Variants in TNC observed in about 807,000 individuals in gnomAD.
TNC encodes tenascin C, also known as tenascin.
A neutral mutation model predicts 202.4 loss-of-function variants in TNC; 109 were observed. The observed-to-expected ratio is 0.54, with a 90% confidence interval of 0.46 to 0.63. The LOEUF is 0.63. Among genes scored for constraint, TNC ranks in the 30% least tolerant of loss-of-function variants. TNC has a pLI of 0.00. For missense variants in TNC, 2,756 were observed against 2,833.3 expected (o/e 0.97, Z 0.62); for synonymous variants, 1,007 against 1,089.7 (o/e 0.92, Z 1.50).
chr9:115,039,061 C>A (rs1408046483), intron 19 of TNC, among the ~76,000 whole-genome samples: 1 of 152,096 alleles, frequency 6.6e-6, no homozygotes, highest in Non-Finnish European at 1.5e-5. Flanking sequence ...AACACCTGAC[C>A]TCAGGTGATC....
chr9:115,065,257 G>A (rs1036165214), intron 10 of TNC, among the ~76,000 whole-genome samples: 3 of 152,064 alleles, frequency 2.0e-5, no homozygotes, highest in South Asian at 2.1e-4. Flanking sequence ...TTAGCCAGGC[G>A]TGTTGGTGGG....
chr9:115,081,693 G>C, intron 6 of TNC, 79 bp downstream of exon 6: 1 of 1,500,694 alleles, frequency 6.7e-7, no homozygotes, highest in African/African-American at 1.4e-5. Flanking sequence ...TGCTATATGA[G>C]AAGGCACTTT....
In TNC at chr9:115,046,582, A is replaced by C. The variant is rs1831211845; in HGVS notation, c.4953T>G (p.Val1651=). The change falls in exon 17 of 28, where the codon GTT becomes GTG. Residue 1651 remains valine, a synonymous_variant. Transcript: ENST00000350763. ...TADEGVFDNF[V]LKIRDTKKQS... Reference sequence around the variant, plus strand: ...GCTTTTTGGTATCTCTGATTTTGAGAACAAAATTGTCGAAGACCCCTTCAT... The same window carrying C: ...GCTTTTTGGTATCTCTGATTTTGAGCACAAAATTGTCGAAGACCCCTTCAT... 1 of 1,613,940 alleles carries C rather than the reference A, an allele frequency of 6.2e-7. No individual in the cohort carries two copies. The highest frequency in any genetic ancestry group is 8.5e-7 in the Non-Finnish European group (1 of 1,179,998).
chr9:115,108,113 T>C (rs1836752654), intron 1 of TNC, among the ~76,000 whole-genome samples: 1 of 152,178 alleles, frequency 6.6e-6, no homozygotes, highest in South Asian at 2.1e-4. Context: ...ATCCTGCTTG[T>C]CTCTACCTCT....
At chr9:115,096,698 A>G (rs1204345822) in intron 1 of TNC, among the ~76,000 whole-genome samples, 1 of 152,224 alleles carries the variant, frequency 6.6e-6, no homozygotes, top group Non-Finnish European at 1.5e-5. Context: ...TGTGCATTGT[A>G]GTTTCCATAC....
chr9:115,082,884 A>G (rs901022216), intron 4 of TNC, 77 bp from the exon 5 acceptor site: 4 of 963,866 alleles, frequency 4.1e-6, no homozygotes, highest in Non-Finnish European at 6.7e-6. Flanking sequence ...ATTCCACTAA[A>G]CCAGACTGGA....
chr9:115,025,014 G>A (rs1434732728), intron 26 of TNC, among the ~76,000 whole-genome samples: 4 of 152,128 alleles, frequency 2.6e-5, no homozygotes, highest in Admixed American at 6.5e-5. Context: ...GCATGAGGAC[G>A]GCACGTAGAT....
At chr9:115,111,925 G>C (rs1329799611) in intron 1 of TNC, among the ~76,000 whole-genome samples, 1 of 152,056 alleles carries the variant, frequency 6.6e-6, no homozygotes, top group Non-Finnish European at 1.5e-5. Context: ...CATCAACCCT[G>C]TCCAACACAG....
intron 17 of TNC, among the ~76,000 whole-genome samples, chr9:115,043,736 A>C (rs552287266): frequency 1.3e-5 from 2 of 150,918 alleles, no homozygotes; most frequent in South Asian, 4.2e-4. Flanking sequence ...TAACTGGGAA[A>C]AAACAAACAA....
At chr9:115,065,239 T>C (rs919894310) in intron 10 of TNC, among the ~76,000 whole-genome samples, 8 of 151,810 alleles carry the variant, frequency 5.3e-5, no homozygotes, top group African/African-American at 1.9e-4. Flanking sequence ...CTACTAAAAA[T>C]ACAAAAATTA....
In TNC at chr9:115,052,873, T is replaced by C. The variant is rs1831808617; in HGVS notation, c.4579+4280A>G. ...GCTTTGCATCTCCTGAGACTGTGAATTGCTGGGACTCATGCAGTGAGTGAG... is the reference window on the plus strand; with the variant it reads ...GCTTTGCATCTCCTGAGACTGTGAACTGCTGGGACTCATGCAGTGAGTGAG... On this transcript the variant is annotated intron_variant, in intron 15 of 27. Coordinates refer to ENST00000350763, the MANE Select transcript of TNC (RefSeq NM_002160.4). The C allele has an allele frequency of 1.0e-5, 7 of 702,646 alleles. No individual in the cohort carries two copies. The East Asian group carries it at 1.1e-4, about 11-fold the overall frequency. The allele number at this position is 702,646 out of a possible 1,614,324, so 43.5% of individuals were successfully genotyped here.
chr9:115,070,795 T>C (rs1176923081), intron 10 of TNC, among the ~76,000 whole-genome samples: 3 of 152,364 alleles, frequency 2.0e-5, no homozygotes, highest in South Asian at 2.1e-4. Context: ...TCAGGACTTA[T>C]AGCCACATGG....
At position 115,086,502 on chromosome 9, in the gene TNC, T is replaced by C. The variant is rs780684501; in HGVS notation, c.1229A>G (p.Asn410Ser). The change falls in exon 3 of 28, where the codon AAT (asparagine) becomes AGT (serine). Residue 410 changes from asparagine (N) to serine (S), a missense_variant. By Grantham distance (46) the Asn-to-Ser change is conservative. This residue lies in a region of TNC where 2,559 missense variants were observed against 2,546.0 expected (regional missense o/e 1.01). Transcript: ENST00000350763. ...ACAGCGGCCATGGCCACTGCAGCCA[T>C]TGGGACACTTGAGCTCCCCACAGTC... ...GADCGELKCP[N>S]GCSGHGRCVN... The C allele has an allele frequency of 1.2e-5, 19 of 1,613,796 alleles. No homozygotes were observed. The highest frequency in any genetic ancestry group is 7.7e-5 in the South Asian group (7 of 91,076).
intron 1 of TNC, 101 bp downstream of exon 1, chr9:115,117,879 CAT>C (rs1284596669): frequency 1.3e-5 from 2 of 152,080 alleles, no homozygotes; most frequent in African/African-American, 4.8e-5. Context: ...AAAAAAACCC[CAT>C]ATGTTTTGTA....
chr9:115,075,651 G>A lies in TNC; in HGVS notation c.2950+381C>T, dbSNP rs537612240. Among the ~76,000 whole-genome samples, 4 of 152,172 alleles carry A rather than the reference G, an allele frequency of 2.6e-5. No homozygotes were observed. In the South Asian group the frequency reaches 8.3e-4, roughly 32 times the overall value. On this transcript the variant is annotated intron_variant, in intron 9 of 27. Coordinates refer to ENST00000350763, the MANE Select transcript of TNC (RefSeq NM_002160.4). ...AATACAAAAATTAGCTGGGCGTGGT[G>A]GTATGCACCTGTAGTCCCAGCTACT...
intron 25 of TNC, among the ~76,000 whole-genome samples, chr9:115,027,958 T>C (rs1415157671): frequency 2.0e-5 from 3 of 152,130 alleles, no homozygotes; most frequent in Non-Finnish European, 4.4e-5. Flanking sequence ...ACCCCTTAAC[T>C]GAGGGATTTA....
At chr9:115,111,407 T>C (rs1417464431) in intron 1 of TNC, among the ~76,000 whole-genome samples, 3 of 115,210 alleles carry the variant, frequency 2.6e-5, no homozygotes, top group East Asian at 2.3e-4. Flanking sequence ...CTCTTTTTTT[T>C]TTTTTTTTTT....
Position 115,076,063 on chromosome 9 carries a change from C to T in TNC, c.2919G>A (p.Glu973=), listed in dbSNP as rs1310694149. 6.2e-7 allele frequency: 1 copy of T among 1,614,150 alleles called. No individual in the cohort carries two copies. Among genetic ancestry groups the T allele is most frequent in the East Asian group, 2.2e-5 (1 of 44,866 alleles). ...CTGCGTTGATGGTCGCTGGATTGCT[C>T]TCCTTGTCTTCCTTCACAGCAGAAA... The part of the protein sequence containing the change: ...IGVSAVKEDK[E]SNPATINAAT... The change falls in exon 9 of 28, where the codon GAG becomes GAA. Residue 973 remains glutamate, a synonymous_variant. Coordinates refer to ENST00000350763, the MANE Select transcript of TNC (RefSeq NM_002160.4).
chr9:115,021,030 G>C lies in TNC; in HGVS notation c.*127C>G, dbSNP rs986646620. The C allele has an allele frequency of 5.7e-6, 4 of 700,110 alleles. No homozygotes were observed. The highest frequency in any genetic ancestry group is 9.5e-6 in the Non-Finnish European group (4 of 419,856). 43.4% of individuals were successfully genotyped at this position (700,110 alleles called of 1,614,324 possible). On this transcript the variant is annotated 3_prime_UTR_variant, in exon 28 of 28. Transcript: ENST00000350763. ...GTTGCCGTTGGCCCCAGGGATCCAT[G>C]GTCAGCTTTGACTCTCACCAAATGC...
Sources: allele counts gnomAD v4.1 joint callset (sites outside exome capture counted in the v4.1 genomes callset), GRCh38; gene constraint gnomAD v4.1.1; regional missense constraint gnomAD v4.1.1; transcripts MANE v1.5; gene names NCBI Gene and HGNC (gene_info 2026-07-23, HGNC 2026-07-21).